Variants in FOXJ3 observed in about 807,000 individuals in gnomAD.
FOXJ3 encodes the protein forkhead box J3, also known as forkhead box protein J3.
Under a neutral mutation model 76.1 loss-of-function variants are expected in FOXJ3, and 22 were observed. The ratio of observed to expected loss-of-function variants is 0.29; its 90% CI spans 0.21 to 0.41. The LOEUF (loss-of-function observed/expected upper bound fraction) is 0.41. Ranked by LOEUF, FOXJ3 falls within the 10% of genes least tolerant of loss-of-function variation. The pLI, the probability that FOXJ3 is intolerant of heterozygous loss-of-function variation, is 1.00. For synonymous variants in FOXJ3, 269 were observed against 261.2 expected (o/e 1.03, Z -0.29); for missense variants, 613 against 762.1 (o/e 0.80, Z 2.30).
At chr1:42,280,225 TA>T in intron 2 of FOXJ3, 1 of 824,764 alleles carries the variant, frequency 1.2e-6, no homozygotes, top group Non-Finnish European at 1.5e-6. Flanking sequence ...CAATGCACTA[TA>T]AAGTAAACCA....
chr1:42,259,274 T>A (rs1163390579), intron 4 of FOXJ3, among the ~76,000 whole-genome samples: 1 of 152,166 alleles, frequency 6.6e-6, no homozygotes, highest in Non-Finnish European at 1.5e-5. Context: ...CAAGTGACAA[T>A]CTGGAATACT....
At chr1:42,276,821 T>C (rs952174226) in intron 3 of FOXJ3, among the ~76,000 whole-genome samples, 1 of 152,232 alleles carries the variant, frequency 6.6e-6, no homozygotes, top group Non-Finnish European at 1.5e-5. Context: ...CTCTGATATG[T>C]TATGCACAAA....
At chr1:42,245,827 G>C (rs1480625835) in intron 4 of FOXJ3, among the ~76,000 whole-genome samples, 1 of 152,048 alleles carries the variant, frequency 6.6e-6, no homozygotes, top group Non-Finnish European at 1.5e-5. Context: ...AGTCAGGCAA[G>C]AAAAGGAAAC....
rs1365448211 is a variant in FOXJ3, at chr1:42,269,247, AAAAG to A, written c.370-4062_370-4059del. Among the ~76,000 whole-genome samples, 5 of 152,276 alleles carry A rather than the reference AAAAG, an allele frequency of 3.3e-5. No homozygotes were observed. The South Asian group carries it at 6.2e-4, about 19-fold the overall frequency. On this transcript the variant is annotated intron_variant, in intron 3 of 12. Transcript: ENST00000361346. ...ATTCAAATCTAAAATAAGACATGAAAAAAGAAAGAGGCATCAGACAAACTAGTTC... is the reference window on the plus strand; with the variant it reads ...ATTCAAATCTAAAATAAGACATGAAAAAAGAGGCATCAGACAAACTAGTTC...
chr1:42,185,484 T>G (rs1646417200), intron 11 of FOXJ3, among the ~76,000 whole-genome samples: 1 of 151,766 alleles, frequency 6.6e-6, no homozygotes. Flanking sequence ...GTGGTCTCGA[T>G]CTCCTGACCT....
chr1:42,241,460 T>C (rs1649135901), intron 4 of FOXJ3, among the ~76,000 whole-genome samples: 2 of 152,168 alleles, frequency 1.3e-5, no homozygotes, highest in Admixed American at 1.3e-4. Context: ...GACAAGCCAC[T>C]CTGGCTGGAA....
chr1:42,180,390 C>T (rs1646294430), intron 12 of FOXJ3, among the ~76,000 whole-genome samples: 1 of 152,132 alleles, frequency 6.6e-6, no homozygotes, highest in Non-Finnish European at 1.5e-5. Context: ...CTTCTTGTAC[C>T]AGTTTGGCCA....
chr1:42,282,574 G>A (rs1652798621), intron 2 of FOXJ3, among the ~76,000 whole-genome samples: 1 of 152,072 alleles, frequency 6.6e-6, no homozygotes, highest in Admixed American at 6.6e-5. Context: ...CCCAACCACT[G>A]AGGACAGTGA....
intron 5 of FOXJ3, among the ~76,000 whole-genome samples, chr1:42,227,606 G>T (rs1306958425): frequency 6.6e-6 from 1 of 152,134 alleles, no homozygotes; most frequent in African/African-American, 2.4e-5. Flanking sequence ...GTAGAGAAAA[G>T]AATACCAAAT....
chr1:42,200,495 T>C (rs1342217585), intron 6 of FOXJ3, among the ~76,000 whole-genome samples: 1 of 152,256 alleles, frequency 6.6e-6, no homozygotes, highest in East Asian at 1.9e-4. Flanking sequence ...TTTTCTCTTT[T>C]TGAGACGGAG....
chr1:42,315,062 T>G, intron 1 of FOXJ3, among the ~76,000 whole-genome samples: 1 of 152,230 alleles, frequency 6.6e-6, no homozygotes, highest in East Asian at 1.9e-4. Flanking sequence ...GAAAGCCTCA[T>G]GCTAAGTGAA....
At chr1:42,319,973 A>C (rs1033276084) in intron 1 of FOXJ3, among the ~76,000 whole-genome samples, 3 of 152,220 alleles carry the variant, frequency 2.0e-5, no homozygotes, top group African/African-American at 7.2e-5. Context: ...ATGTACAGCC[A>C]ATAAAAAAGT....
chr1:42,274,502 CTGG>C (rs1179807179), intron 3 of FOXJ3, among the ~76,000 whole-genome samples: 3 of 152,160 alleles, frequency 2.0e-5, no homozygotes, highest in Non-Finnish European at 4.4e-5. Context: ...TCTACCAAGT[CTGG>C]TACCAAATCC....
At chr1:42,252,334 T>C (rs141264101) in intron 4 of FOXJ3, among the ~76,000 whole-genome samples, 4,431 of 152,318 alleles carry the variant, frequency 0.029, 97 homozygotes, top group Middle Eastern at 0.054. Flanking sequence ...ATTCAATTTC[T>C]TCCTGGTTTA....
Position 42,199,222 on chromosome 1 carries a change from C to A in FOXJ3, c.639G>T (p.Leu213Phe), listed in dbSNP as rs766644044. Residue 213 changes from leucine (L) to phenylalanine (F), a missense_variant, in exon 7 of 13, where the codon TTG becomes TTT. Physicochemically the swap from Leu to Phe is conservative, Grantham distance 22. Transcript: ENST00000361346. ...AINTVTNKVT[L>F]YNTDQDGSDS... ...CACTACCATCCTGATCAGTGTTATA[C>A]AATGTTACCTAAAATGAAAAAAGAA... The A allele has an allele frequency of 3.9e-5, 63 of 1,611,416 alleles. No homozygotes were observed. The highest frequency in any genetic ancestry group is 5.1e-5 in the Non-Finnish European group (60 of 1,178,228).
chr1:42,292,823 C>T (rs1369146681), intron 2 of FOXJ3, among the ~76,000 whole-genome samples: 1 of 152,054 alleles, frequency 6.6e-6, no homozygotes, highest in Non-Finnish European at 1.5e-5. Context: ...TTTGTGGGCT[C>T]AGCATGGTGG....
At chr1:42,298,161 T>C (rs1653906240) in intron 2 of FOXJ3, among the ~76,000 whole-genome samples, 1 of 152,242 alleles carries the variant, frequency 6.6e-6, no homozygotes, top group African/African-American at 2.4e-5. Context: ...TGCCGCCATG[T>C]GAAGAACATG....
chr1:42,334,504 C>T (rs1039110211), intron 1 of FOXJ3, among the ~76,000 whole-genome samples: 1 of 152,060 alleles, frequency 6.6e-6, no homozygotes, highest in Non-Finnish European at 1.5e-5. Flanking sequence ...GCTGCCTTTG[C>T]CCTAATCCCA....
intron 5 of FOXJ3, among the ~76,000 whole-genome samples, chr1:42,222,023 GGGAGGGGGAGGAGA>G (rs1647211897): frequency 3.1e-4 from 1 of 3,258 alleles, no homozygotes; most frequent in Non-Finnish European, 7.2e-4. Context: ...AAGGAGAAGG[GGGAGGGGGAGGAGA>G]AGGAGAAGGA....
Sources: allele counts gnomAD v4.1 joint callset (sites outside exome capture counted in the v4.1 genomes callset), GRCh38; gene constraint gnomAD v4.1.1; transcripts MANE v1.5; gene names NCBI Gene and HGNC (gene_info 2026-07-23, HGNC 2026-07-21).